Variants in POU2F1 observed in about 807,000 individuals in gnomAD.
POU2F1 encodes POU class 2 homeobox 1.
Under a neutral mutation model 84.9 loss-of-function variants are expected in POU2F1, and 16 were observed. That is an observed-to-expected ratio of 0.19 (90% CI 0.13 to 0.29). POU2F1 has a LOEUF of 0.29. Ranked by LOEUF, POU2F1 falls within the 10% of genes least tolerant of loss-of-function variation. The pLI is 1.00. For synonymous variants in POU2F1, 368 were observed against 368.3 expected, an observed-to-expected ratio of 1.00 and a Z score of 0.01; for missense variants, 738 against 942.6, an observed-to-expected ratio of 0.78 and a Z score of 2.84.
In POU2F1 at chr1:167,412,996, A is replaced by G. The variant is rs574708852; in HGVS notation, c.1902-30A>G. ...AAAATGAGACCTGCGTCTGCATGGT[A>G]ATAAAGTGACTCCTCTTTTGGACTT... On this transcript the variant is annotated intron_variant, in intron 14 of 15. Transcript: ENST00000367866. 1.2e-4 allele frequency: 196 copies of G among 1,576,584 alleles called. 2 individuals carry two copies. The South Asian group carries it at 1.7e-3, about 13-fold the overall frequency.
At position 167,220,891 on chromosome 1, in the gene POU2F1, A is replaced by T; in HGVS notation, c.-7A>T. 6.5e-7 allele frequency: 1 copy of T among 1,534,928 alleles called. No individual in the cohort carries two copies. The highest frequency in any genetic ancestry group is 8.7e-7 in the Non-Finnish European group (1 of 1,146,744). Reference sequence around the variant, plus strand: ...TCGACCGGGCGATTTTGGTTAAAATATTCAAAATGGCGGACGGAGGAGCAG... The same window carrying T: ...TCGACCGGGCGATTTTGGTTAAAATTTTCAAAATGGCGGACGGAGGAGCAG... On this transcript the variant is annotated 5_prime_UTR_variant, in exon 1 of 16. Transcript: ENST00000367866.
At position 167,240,482 on chromosome 1, in the gene POU2F1, G is replaced by GA. The variant is rs1185304331; in HGVS notation, c.61+19530dup. 2.2e-4 allele frequency among the ~76,000 whole-genome samples: 33 copies of GA among 152,210 alleles called. No homozygotes were observed. In the East Asian group the frequency reaches 5.8e-3, roughly 27 times the overall value. On this transcript the variant is annotated intron_variant, in intron 1 of 15. Coordinates refer to ENST00000367866, the MANE Select transcript of POU2F1 (RefSeq NM_002697.4). ...GGGTAATTTTACTACTTTAAAGGTGGAAAAAATATTTAAAATAATGAAATA... is the reference window on the plus strand; with the variant it reads ...GGGTAATTTTACTACTTTAAAGGTGGAAAAAAATATTTAAAATAATGAAATA...
intron 1 of POU2F1, among the ~76,000 whole-genome samples, chr1:167,281,806 G>A (rs149280915): frequency 6.6e-6 from 1 of 152,222 alleles, no homozygotes; most frequent in Non-Finnish European, 1.5e-5. Context: ...TTTCCTTTTT[G>A]TTCCAGACTT....
intron 1 of POU2F1, among the ~76,000 whole-genome samples, chr1:167,329,779 A>G (rs746875758): frequency 6.6e-6 from 1 of 152,212 alleles, no homozygotes. Context: ...ATAAATGTTA[A>G]TAAAGAGGGT....
intron 1 of POU2F1, among the ~76,000 whole-genome samples, chr1:167,229,621 G>A (rs1013491585): frequency 6.6e-6 from 1 of 152,154 alleles, no homozygotes; most frequent in African/African-American, 2.4e-5. Flanking sequence ...GATGCTGTGG[G>A]GAGTATCAAA....
intron 1 of POU2F1, among the ~76,000 whole-genome samples, chr1:167,269,440 G>A (rs1652205338): frequency 6.6e-6 from 1 of 152,208 alleles, no homozygotes; most frequent in Non-Finnish European, 1.5e-5. Context: ...ACTGGAGATT[G>A]GGACTAAGGT....
chr1:167,381,603 C>T (rs866600890), intron 7 of POU2F1, among the ~76,000 whole-genome samples: 16 of 66,008 alleles, frequency 2.4e-4, no homozygotes, highest in African/African-American at 8.8e-4. Flanking sequence ...GCTCTCTTCT[C>T]TTTTTTTTTT....
chr1:167,345,456 T>A (rs1038857176), intron 2 of POU2F1, among the ~76,000 whole-genome samples: 1 of 152,138 alleles, frequency 6.6e-6, no homozygotes, highest in African/African-American at 2.4e-5. Flanking sequence ...TAGAATGCAA[T>A]AAACAAGTCT....
At chr1:167,329,564 A>G (rs925624542) in intron 1 of POU2F1, among the ~76,000 whole-genome samples, 1 of 152,222 alleles carries the variant, frequency 6.6e-6, no homozygotes, top group African/African-American at 2.4e-5. Context: ...AGCTCGAATG[A>G]ATATTTTTGC....
rs1557843337 is a variant in POU2F1, at chr1:167,247,040, GT to G, written c.61+26083del. On this transcript the variant is annotated intron_variant, in intron 1 of 15. Transcript: ENST00000367866. ...CAAGTAAATCAGGTTATATATATAT[GT>G]GTGTGTGTGTGTGTGTGTGTGTGTG... is the stretch of plus-strand genomic sequence containing the variant. 5.9e-3 allele frequency among the ~76,000 whole-genome samples: 27 copies of G among 4,572 alleles called. No individual in the cohort carries two copies. In the South Asian group the frequency reaches 0.39, roughly 67 times the overall value. 3.0% of individuals were successfully genotyped at this position (4,572 alleles called of 152,430 possible).
chr1:167,317,566 CTAAA>C (rs1655995865), intron 1 of POU2F1, among the ~76,000 whole-genome samples: 1 of 152,190 alleles, frequency 6.6e-6, no homozygotes, highest in African/African-American at 2.4e-5. Context: ...TATAGATTAA[CTAAA>C]ACAGGAAACA....
At chr1:167,311,746 G>A (rs929625621) in intron 1 of POU2F1, among the ~76,000 whole-genome samples, 5 of 151,478 alleles carry the variant, frequency 3.3e-5, no homozygotes, top group South Asian at 2.1e-4. Flanking sequence ...TGTATTTTAA[G>A]CTACTATGGG....
intron 1 of POU2F1, among the ~76,000 whole-genome samples, chr1:167,256,845 A>G (rs567033872): frequency 5.9e-5 from 9 of 152,324 alleles, no homozygotes; most frequent in Admixed American, 1.3e-4. Flanking sequence ...GTCTGGGTGC[A>G]CTGGTTATAA....
In POU2F1 at chr1:167,267,246, G is replaced by T. The variant is rs559795220; in HGVS notation, c.61+46288G>T. ...AAAAGGAAAAAAAAAACCCACAAAAGTAGTAGGTATGGCATGTGATACCAA... is the reference window on the plus strand; with the variant it reads ...AAAAGGAAAAAAAAAACCCACAAAATTAGTAGGTATGGCATGTGATACCAA... On this transcript the variant is annotated intron_variant, in intron 1 of 15. Coordinates refer to ENST00000367866, the MANE Select transcript of POU2F1 (RefSeq NM_002697.4). Among the ~76,000 whole-genome samples the T allele has an allele frequency of 1.1e-4, 16 of 151,824 alleles. No homozygotes were observed. In the East Asian group the frequency reaches 3.1e-3, roughly 29 times the overall value.
chr1:167,282,174 G>A (rs1231543414), intron 1 of POU2F1, among the ~76,000 whole-genome samples: 4 of 147,634 alleles, frequency 2.7e-5, no homozygotes, highest in Non-Finnish European at 5.9e-5. Flanking sequence ...GACGAGTCTC[G>A]CTCTGTCGCC....
At position 167,267,394 on chromosome 1, in the gene POU2F1, G is replaced by GAA. The variant is rs10718415; in HGVS notation, c.61+46444_61+46445dup. On this transcript the variant is annotated intron_variant, in intron 1 of 15. Coordinates refer to ENST00000367866, the MANE Select transcript of POU2F1 (RefSeq NM_002697.4). The stretch of plus-strand genomic sequence containing the variant: ...TTGTATTGTAATGTTTTACAATCAG[G>GAA]AAAAAAAAACTAAAACCGTGAGACA... 3.3e-5 allele frequency among the ~76,000 whole-genome samples: 5 copies of GAA among 150,490 alleles called. No individual in the cohort carries two copies. The East Asian group carries it at 5.9e-4, about 18-fold the overall frequency.
chr1:167,258,836 T>C (rs957060902), intron 1 of POU2F1, among the ~76,000 whole-genome samples: 1 of 152,198 alleles, frequency 6.6e-6, no homozygotes, highest in Non-Finnish European at 1.5e-5. Context: ...TAGAATTATT[T>C]GGGGAGGACA....
chr1:167,392,071 C>G (rs776418879), intron 9 of POU2F1, among the ~76,000 whole-genome samples: 4 of 152,114 alleles, frequency 2.6e-5, no homozygotes, highest in East Asian at 1.9e-4. Flanking sequence ...AAAGCTAGGC[C>G]GGGCACAGTG....
chr1:167,361,877 A>G (rs895152275), intron 2 of POU2F1, among the ~76,000 whole-genome samples: 2 of 152,028 alleles, frequency 1.3e-5, no homozygotes, highest in Non-Finnish European at 2.9e-5. Context: ...ATTTCTGTAA[A>G]CACACTAATC....
Sources: allele counts gnomAD v4.1 joint callset (sites outside exome capture counted in the v4.1 genomes callset), GRCh38; gene constraint gnomAD v4.1.1; transcripts MANE v1.5; gene names NCBI Gene and HGNC (gene_info 2026-07-23, HGNC 2026-07-21).